The following EXT2 variants were observed in gnomAD, a reference collection of about 807,000 sequenced individuals.
EXT2 encodes the protein exostosin-2.
In EXT2, 53 loss-of-function variants were observed where a neutral mutation model predicts 81.6. The ratio of observed to expected loss-of-function variants is 0.65; its 90% CI spans 0.52 to 0.82. EXT2 has a LOEUF of 0.82. Among genes scored for constraint, EXT2 ranks in the 40% least tolerant of loss-of-function variants. EXT2 has a pLI of 0.00. For synonymous variants in EXT2, 320 were observed against 340.0 expected (o/e 0.94, Z 0.65); for missense variants, 774 against 910.2 (o/e 0.85, Z 1.93).
rs59877575 is a variant in EXT2 at position 44,245,052 on chromosome 11, G to C, written c.*765G>C. The stretch of plus-strand genomic sequence containing the variant: ...TGCCCATGTCTGGGAACACACGCCA[G>C]GAGGAATGTCTGATACCCTCTGCAT... On this transcript the variant is annotated 3_prime_UTR_variant, in exon 14 of 14. Coordinates refer to ENST00000533608, the MANE Select transcript of EXT2 (RefSeq NM_207122.2). 2.5e-3 allele frequency: 592 copies of C among 232,254 alleles called. 3 individuals are homozygous for C. Among genetic ancestry groups the C allele is most frequent in the African/African-American group, 0.012 (560 of 45,382 alleles). 14.4% of individuals were successfully genotyped at this position (232,254 alleles called of 1,614,324 possible). A position where few individuals can be genotyped will look rare whatever the true frequency, so the allele number is the denominator to read the frequency against.
In EXT2 at chr11:44,218,791, TTC is replaced by T. The variant is rs1189808760; in HGVS notation, c.1662+11834_1662+11835del. On this transcript the variant is annotated intron_variant, in intron 10 of 13. Transcript: ENST00000533608. ...GAGTAAGAGATTATAGAATCTGCAA[TTC>T]TTTTTTTTTTTTTTTTTTTTTTGAG... Among the ~76,000 whole-genome samples, 4 of 99,468 alleles carry T rather than the reference TTC, an allele frequency of 4.0e-5. No homozygotes were observed. In the East Asian group the frequency reaches 9.1e-4, roughly 23 times the overall value. 65.3% of individuals were successfully genotyped at this position (99,468 alleles called of 152,430 possible). A position where few individuals can be genotyped will look rare whatever the true frequency, so the allele number is the denominator to read the frequency against.
rs764951034 is a variant in EXT2 at position 44,197,936 on chromosome 11, G to C, written c.1413G>C (p.Arg471=). ...ACGACCGAGTAGAGAGCCTCTTCCG[G>C]GTCATCACTGAAGTGTCCAAGGTGC... is the stretch of plus-strand genomic sequence containing the variant. ...LTYDRVESLF[R]VITEVSKVPS... The change falls in exon 9 of 14, where the codon CGG becomes CGC. Residue 471 remains arginine (R), a synonymous_variant. Transcript: ENST00000533608. The C allele has an allele frequency of 6.2e-7, 1 of 1,613,976 alleles. No homozygotes were observed. Among genetic ancestry groups the C allele is most frequent in the South Asian group, 1.1e-5 (1 of 91,064 alleles).
intron 7 of EXT2, among the ~76,000 whole-genome samples, chr11:44,157,936 A>T (rs1031378805): frequency 1.3e-5 from 2 of 152,126 alleles, no homozygotes; most frequent in African/African-American, 4.8e-5. Flanking sequence ...AAGGCAGCAG[A>T]CTGAATCCTA....
chr11:44,240,330 A>T (rs2135276328), intron 13 of EXT2, among the ~76,000 whole-genome samples: 1 of 152,326 alleles, frequency 6.6e-6, no homozygotes, highest in Admixed American at 6.5e-5. Flanking sequence ...CAGTGCTCAG[A>T]AGCATGGAAG....
chr11:44,200,181 T>C (rs1360626194), intron 9 of EXT2, among the ~76,000 whole-genome samples: 1 of 151,816 alleles, frequency 6.6e-6, no homozygotes, highest in East Asian at 1.9e-4. Flanking sequence ...TCCAAGTCTT[T>C]GAAATATTAG....
intron 4 of EXT2, among the ~76,000 whole-genome samples, chr11:44,123,158 T>G (rs1954343524): frequency 6.6e-6 from 1 of 152,214 alleles, no homozygotes; most frequent in East Asian, 1.9e-4. Context: ...GATTTGGACC[T>G]GAAGCTTAAT....
In EXT2 at chr11:44,126,933, T is replaced by C; in HGVS notation, c.1057T>C (p.Ser353Pro). Reference protein sequence around the residue: ...VIADSYILPFSEVLDWKRASV... With the variant: ...VIADSYILPFPEVLDWKRASV... ...TGCAGACTCCTATATTTTGCCTTTCTCTGAAGTTCTTGACTGGAAGAGGTG... is the reference window on the plus strand; with the variant it reads ...TGCAGACTCCTATATTTTGCCTTTCCCTGAAGTTCTTGACTGGAAGAGGTG... The change falls in exon 6 of 14, where the codon TCT becomes CCT. Residue 353 changes from serine to proline, a missense_variant. Around this residue, in one of 2 missense-constraint regions of EXT2, gnomAD observed 626 missense variants for 670.5 expected, o/e 0.93. Transcript: ENST00000533608. 1 of 1,614,232 alleles carries C rather than the reference T, an allele frequency of 6.2e-7. No homozygotes were observed. Among genetic ancestry groups the C allele is most frequent in the Non-Finnish European group, 8.5e-7 (1 of 1,180,040 alleles).
At chr11:44,182,698 C>A (rs901886073) in intron 8 of EXT2, among the ~76,000 whole-genome samples, 4 of 152,046 alleles carry the variant, frequency 2.6e-5, no homozygotes, top group Non-Finnish European at 4.4e-5. Context: ...TTGGAAGTTG[C>A]AGATATAATG....
chr11:44,111,337 A>C (rs974279880), intron 3 of EXT2, among the ~76,000 whole-genome samples: 2 of 152,128 alleles, frequency 1.3e-5, no homozygotes, highest in Admixed American at 6.5e-5. Flanking sequence ...AAACGTAAAA[A>C]CCTGCTTTGA....
At chr11:44,229,895 C>G (rs921594722) in intron 10 of EXT2, among the ~76,000 whole-genome samples, 6 of 152,152 alleles carry the variant, frequency 3.9e-5, no homozygotes, top group Non-Finnish European at 8.8e-5. Flanking sequence ...TTGTTGCATA[C>G]CAGGCACTGT....
chr11:44,147,905 C>T (rs1954742650), intron 7 of EXT2, among the ~76,000 whole-genome samples: 1 of 151,336 alleles, frequency 6.6e-6, no homozygotes, highest in Non-Finnish European at 1.5e-5. Flanking sequence ...GTGGGATCCT[C>T]CCTATATTCA....
chr11:44,127,348 C>T (rs143463089), intron 6 of EXT2, among the ~76,000 whole-genome samples: 29 of 152,314 alleles, frequency 1.9e-4, no homozygotes, highest in African/African-American at 5.8e-4. Context: ...CCGGGCTGCA[C>T]AGCAGGAGGT....
At chr11:44,135,540 C>T (rs749520821) in intron 7 of EXT2, among the ~76,000 whole-genome samples, 7 of 151,882 alleles carry the variant, frequency 4.6e-5, no homozygotes, top group East Asian at 1.9e-4. Context: ...TATAGGCATA[C>T]GCCACCACAC....
At chr11:44,127,227 G>A (rs528421260) in intron 6 of EXT2, among the ~76,000 whole-genome samples, 3 of 152,240 alleles carry the variant, frequency 2.0e-5, no homozygotes, top group African/African-American at 4.8e-5. Flanking sequence ...TGTCACATTG[G>A]TAGAGTTAAG....
At chr11:44,199,632 G>A (rs1260392909) in intron 9 of EXT2, among the ~76,000 whole-genome samples, 1 of 152,214 alleles carries the variant, frequency 6.6e-6, no homozygotes, top group Non-Finnish European at 1.5e-5. Flanking sequence ...TATTACTCCT[G>A]GTTAGCCACT....
At chr11:44,232,106 C>G (rs983595000) in intron 10 of EXT2, among the ~76,000 whole-genome samples, 4 of 152,072 alleles carry the variant, frequency 2.6e-5, no homozygotes, top group Admixed American at 2.0e-4. Flanking sequence ...GCTATTACCC[C>G]CACATTAATT....
rs186553805 is a variant in EXT2 at position 44,215,917 on chromosome 11, C to T, written c.1662+8958C>T. On this transcript the variant is annotated intron_variant, in intron 10 of 13. Coordinates refer to ENST00000533608, the MANE Select transcript of EXT2 (RefSeq NM_207122.2). ...CGGAGTCTCGCTCTGTCGCCCAGGT[C>T]GGACTGCGGACTGCAGTGGCGCAAT... 0.019 allele frequency among the ~76,000 whole-genome samples: 2,688 copies of T among 142,860 alleles called. 224 individuals carry two copies. The East Asian group carries it at 0.28, about 15-fold the overall frequency. 93.7% of individuals were successfully genotyped at this position (142,860 alleles called of 152,430 possible).
chr11:44,134,299 T>C (rs1954535124), intron 7 of EXT2, among the ~76,000 whole-genome samples: 1 of 151,990 alleles, frequency 6.6e-6, no homozygotes, highest in African/African-American at 2.4e-5. Flanking sequence ...GGAGAGATTA[T>C]AGGAGATAAT....
chr11:44,120,175 A>G (rs1330735076), intron 4 of EXT2, among the ~76,000 whole-genome samples: 7 of 152,236 alleles, frequency 4.6e-5, no homozygotes, highest in Non-Finnish European at 4.4e-5. Context: ...GAGATTATAT[A>G]TTGGTGGTAT....
Sources: gnomAD v4.1 joint callset for allele counts (sites outside exome capture counted in the v4.1 genomes callset) on GRCh38, gnomAD v4.1.1 for gene constraint, gnomAD v4.1.1 regional missense constraint, MANE v1.5 for transcripts, NCBI Gene and HGNC (gene_info 2026-07-23, HGNC 2026-07-21) for gene names.